Variants in RANBP2 observed in about 807,000 individuals in gnomAD.
The protein encoded by RANBP2 is E3 SUMO-protein ligase RanBP2.
A neutral mutation model predicts 303.6 loss-of-function variants in RANBP2; 57 were observed. The ratio of observed to expected loss-of-function variants is 0.19; its 90% CI spans 0.15 to 0.23. The LOEUF (loss-of-function observed/expected upper bound fraction) is 0.23, where lower values mean the gene tolerates loss of function less well. RANBP2 is among the 10% of genes least tolerant of loss of function. The pLI is 1.00. For missense variants in RANBP2, 3,138 were observed against 3,780.8 expected, an observed-to-expected ratio of 0.83 and a Z score of 4.46; for synonymous variants, 1,167 against 1,301.5, an observed-to-expected ratio of 0.90 and a Z score of 2.23.
the RANBP2 span, among the ~76,000 whole-genome samples, chr2:109,706,497 C>A: frequency 1.3e-5 from 2 of 152,192 alleles, no homozygotes; most frequent in African/African-American, 4.8e-5. Context: ...AGTCTTCCTA[C>A]TGATGCCTGC....
chr2:109,260,096 A>C, the RANBP2 span, among the ~76,000 whole-genome samples: 5 of 152,130 alleles, frequency 3.3e-5, no homozygotes, highest in Non-Finnish European at 7.4e-5. Context: ...TTGAGAGTAG[A>C]GAGGCTCTCT....
chr2:109,169,746 A>G, the RANBP2 span, among the ~76,000 whole-genome samples: 17 of 132,394 alleles, frequency 1.3e-4, no homozygotes, highest in African/African-American at 5.2e-4. Flanking sequence ...TATGTATAAA[A>G]CAACCATACA....
the RANBP2 span, among the ~76,000 whole-genome samples, chr2:109,196,001 C>T: frequency 1.4e-4 from 21 of 152,224 alleles, no homozygotes; most frequent in Admixed American, 1.4e-3. Flanking sequence ...CTCCCATTTG[C>T]AGTAGCAAAT....
the RANBP2 span, among the ~76,000 whole-genome samples, chr2:108,821,447 G>C: frequency 6.6e-6 from 1 of 152,134 alleles, no homozygotes; most frequent in Non-Finnish European, 1.5e-5. Context: ...TGGCATTATT[G>C]ATGTAAAATA....
chr2:109,266,206 CATATGTATGTTGTGTGT>C, the RANBP2 span, among the ~76,000 whole-genome samples: 2 of 141,322 alleles, frequency 1.4e-5, no homozygotes, highest in African/African-American at 5.4e-5. Flanking sequence ...GTGTTGTGTG[CATATGTATGTTGTGTGT>C]ATGTGTATTC....
the RANBP2 span, among the ~76,000 whole-genome samples, chr2:109,187,694 G>A: frequency 6.6e-6 from 1 of 152,136 alleles, no homozygotes; most frequent in African/African-American, 2.4e-5. Context: ...TGTCACCCAA[G>A]GACTCATTTT....
chr2:108,954,431 G>GGT, the RANBP2 span, among the ~76,000 whole-genome samples: 1 of 152,164 alleles, frequency 6.6e-6, no homozygotes. Context: ...ACTTTGGATA[G>GGT]GTGTGGTGGT....
At chr2:109,601,429 A>G in the RANBP2 span, among the ~76,000 whole-genome samples, 1 of 152,224 alleles carries the variant, frequency 6.6e-6, no homozygotes, top group Admixed American at 6.5e-5. Context: ...GGGTATTAAC[A>G]ATTTTTAAAT....
chr2:109,095,030 A>C, the RANBP2 span, among the ~76,000 whole-genome samples: 3 of 152,250 alleles, frequency 2.0e-5, no homozygotes, highest in Admixed American at 2.0e-4. Flanking sequence ...AATGTTCTAA[A>C]TTAAGGTCAG....
the RANBP2 span, among the ~76,000 whole-genome samples, chr2:109,548,044 G>A: frequency 1.3e-4 from 20 of 152,232 alleles, no homozygotes; most frequent in African/African-American, 4.6e-4. Context: ...GCTCATAAAA[G>A]AATTCTAAAA....
the RANBP2 span, chr2:108,896,947 C>T: frequency 6.2e-7 from 1 of 1,613,296 alleles, no homozygotes; most frequent in Non-Finnish European, 8.5e-7. Context: ...TGGCACAACC[C>T]CCGCCCACTC....
chr2:108,943,295 G>C, the RANBP2 span, among the ~76,000 whole-genome samples: 1 of 152,194 alleles, frequency 6.6e-6, no homozygotes, highest in African/African-American at 2.4e-5. Context: ...AAAGGGCTCT[G>C]CTGCACCCTG....
chr2:108,838,276 A>G, the RANBP2 span, among the ~76,000 whole-genome samples: 3 of 152,222 alleles, frequency 2.0e-5, no homozygotes, highest in Non-Finnish European at 4.4e-5. Context: ...TCTCTCCCCA[A>G]CTGGAAAGGT....
chr2:108,726,250 C>T (rs937479595), intron 1 of RANBP2, among the ~76,000 whole-genome samples: 1 of 152,158 alleles, frequency 6.6e-6, no homozygotes, highest in African/African-American at 2.4e-5. Context: ...ATGTGCTCGC[C>T]ACCCGCTAGT....
chr2:108,971,223 T>C, the RANBP2 span, among the ~76,000 whole-genome samples: 1 of 152,178 alleles, frequency 6.6e-6, no homozygotes, highest in Non-Finnish European at 1.5e-5. Flanking sequence ...ATCATCTTTA[T>C]ATTTTTATAT....
chr2:108,914,246 G>A, the RANBP2 span, among the ~76,000 whole-genome samples: 3 of 151,744 alleles, frequency 2.0e-5, no homozygotes, highest in East Asian at 1.9e-4. Flanking sequence ...GGCAACAAAC[G>A]TGAAACTTTG....
the RANBP2 span, among the ~76,000 whole-genome samples, chr2:109,524,572 C>T: frequency 6.6e-6 from 1 of 151,390 alleles, no homozygotes; most frequent in Non-Finnish European, 1.5e-5. Flanking sequence ...GCCTGGCCAA[C>T]ATGGTGAAAC....
the RANBP2 span, among the ~76,000 whole-genome samples, chr2:108,962,519 A>T: frequency 2.0e-5 from 3 of 151,536 alleles, no homozygotes; most frequent in African/African-American, 7.3e-5. Context: ...TAAAAATACA[A>T]AAAAAATTAG....
At chr2:109,688,374 T>C in the RANBP2 span, among the ~76,000 whole-genome samples, 1 of 152,108 alleles carries the variant, frequency 6.6e-6, no homozygotes, top group Non-Finnish European at 1.5e-5. Context: ...TGAACACTTG[T>C]CCTTCCTGGG....
Sources: allele counts gnomAD v4.1 joint callset (sites outside exome capture counted in the v4.1 genomes callset), GRCh38; gene constraint gnomAD v4.1.1; transcripts MANE v1.5; gene names NCBI Gene and HGNC (gene_info 2026-07-23, HGNC 2026-07-21).